The following DLG2 variants were observed in gnomAD, a reference collection of about 807,000 sequenced individuals.
The protein encoded by DLG2 is discs large MAGUK scaffold protein 2, also known as disks large homolog 2.
Under a neutral mutation model 132.5 loss-of-function variants are expected in DLG2, and 45 were observed. The observed-to-expected ratio is 0.34, with a 90% CI of 0.27 to 0.44. The LOEUF (loss-of-function observed/expected upper bound fraction) is 0.44. DLG2 is among the 20% of genes least tolerant of loss of function. The pLI is 1.00. For synonymous variants in DLG2, 424 were observed against 419.6 expected (o/e 1.01, Z -0.13); for missense variants, 1,045 against 1,196.9 (o/e 0.87, Z 1.87).
chr11:84,858,832 T>G (rs1341347733), intron 6 of DLG2, among the ~76,000 whole-genome samples: 4 of 151,978 alleles, frequency 2.6e-5, no homozygotes, highest in African/African-American at 7.2e-5. Context: ...TGACAAGTAC[T>G]CAAACAAAAA....
intron 3 of DLG2, among the ~76,000 whole-genome samples, chr11:85,541,027 T>C (rs1336432809): frequency 6.6e-6 from 1 of 152,248 alleles, no homozygotes; most frequent in East Asian, 1.9e-4. Context: ...TTGGAAGTGT[T>C]TCCTGGGCTG....
chr11:84,776,226 C>T (rs1474785250), intron 6 of DLG2, among the ~76,000 whole-genome samples: 1 of 152,116 alleles, frequency 6.6e-6, no homozygotes, highest in African/African-American at 2.4e-5. Context: ...GTGATCACAG[C>T]TCACTGCAGT....
In DLG2 at chr11:83,516,871, G is replaced by A. The variant is rs543626970; in HGVS notation, c.2193+15837C>T. Reference sequence around the variant, plus strand: ...ATTGGGCCCGTCTCTCTTCTGGCTTGTAGAGTTTCTGCCGAGAGATCCGCT... The same window carrying A: ...ATTGGGCCCGTCTCTCTTCTGGCTTATAGAGTTTCTGCCGAGAGATCCGCT... On this transcript the variant is annotated intron_variant, in intron 21 of 27. Transcript: ENST00000376104. 5.3e-5 allele frequency among the ~76,000 whole-genome samples: 8 copies of A among 152,308 alleles called. No homozygotes were observed. The East Asian group carries it at 9.6e-4, about 18-fold the overall frequency.
At chr11:84,475,549 C>T (rs1208908499) in intron 7 of DLG2, among the ~76,000 whole-genome samples, 2 of 152,026 alleles carry the variant, frequency 1.3e-5, no homozygotes, top group Non-Finnish European at 2.9e-5. Flanking sequence ...GAAGCAGTCT[C>T]CTATAGACAA....
chr11:85,176,970 G>T (rs2152503972), intron 4 of DLG2, among the ~76,000 whole-genome samples: 1 of 152,196 alleles, frequency 6.6e-6, no homozygotes, highest in South Asian at 2.1e-4. Flanking sequence ...ATGCTGGCTT[G>T]GTTGTGGAGA....
At chr11:83,955,659 G>A (rs1388412285) in intron 14 of DLG2, among the ~76,000 whole-genome samples, 1 of 152,178 alleles carries the variant, frequency 6.6e-6, no homozygotes, top group Non-Finnish European at 1.5e-5. Context: ...TCCAGGCTCA[G>A]TCAATAATTA....
intron 6 of DLG2, among the ~76,000 whole-genome samples, chr11:84,629,370 T>C (rs1307258424): frequency 6.6e-6 from 1 of 152,196 alleles, no homozygotes; most frequent in African/African-American, 2.4e-5. Context: ...TCACATGTAA[T>C]TGTAAAAACC....
intron 9 of DLG2, among the ~76,000 whole-genome samples, chr11:84,099,336 T>C (rs1044391401): frequency 2.2e-4 from 33 of 152,198 alleles, no homozygotes; most frequent in African/African-American, 7.7e-4. Context: ...AACTTACAAA[T>C]TGTGTAATAT....
At chr11:84,262,963 C>T (rs1349169618) in intron 7 of DLG2, among the ~76,000 whole-genome samples, 1 of 152,110 alleles carries the variant, frequency 6.6e-6, no homozygotes, top group Non-Finnish European at 1.5e-5. Flanking sequence ...TCCTGCATGG[C>T]TATAAAAAAT....
Position 83,472,896 on chromosome 11 carries a change from C to T in DLG2, c.2294-119G>A, listed in dbSNP as rs1196059465. Reference sequence around the variant, plus strand: ...AGAGTTAATTCTCCTTGCTCTTTCTCCTTGAACCATTCAAAAATAACTTCA... The same window carrying T: ...AGAGTTAATTCTCCTTGCTCTTTCTTCTTGAACCATTCAAAAATAACTTCA... On this transcript the variant is annotated intron_variant, in intron 22 of 27. Transcript: ENST00000376104. The T allele has an allele frequency of 8.7e-6, 7 of 804,330 alleles. No individual in the cohort carries two copies. The Admixed American group carries it at 1.0e-4, about 12-fold the overall frequency. The allele number at this position is 804,330 out of a possible 1,614,324, so 49.8% of individuals were successfully genotyped here.
At chr11:85,322,820 T>C (rs1395555968) in intron 3 of DLG2, among the ~76,000 whole-genome samples, 1 of 152,168 alleles carries the variant, frequency 6.6e-6, no homozygotes, top group East Asian at 1.9e-4. Flanking sequence ...TAAATATCTC[T>C]TGATTTGTCA....
At chr11:84,493,776 C>T (rs1163102554) in intron 7 of DLG2, among the ~76,000 whole-genome samples, 1 of 151,994 alleles carries the variant, frequency 6.6e-6, no homozygotes, top group Non-Finnish European at 1.5e-5. Context: ...ATACAAAGTG[C>T]TTAGAACAAT....
intron 18 of DLG2, among the ~76,000 whole-genome samples, chr11:83,672,844 C>T (rs1161018077): frequency 1.3e-5 from 2 of 152,042 alleles, no homozygotes; most frequent in Admixed American, 6.6e-5. Context: ...GGGTGAATCA[C>T]GAGGTCAGGA....
intron 7 of DLG2, among the ~76,000 whole-genome samples, chr11:84,509,290 C>T (rs935055771): frequency 9.2e-5 from 14 of 152,114 alleles, no homozygotes; most frequent in African/African-American, 3.1e-4. Flanking sequence ...AATAAGATGG[C>T]CTCTACTTTA....
intron 3 of DLG2, among the ~76,000 whole-genome samples, chr11:85,315,573 A>G (rs945411529): frequency 7.2e-5 from 11 of 151,988 alleles, no homozygotes; most frequent in Non-Finnish European, 1.5e-4. Context: ...GATATCGAAC[A>G]TCTTCCAATG....
chr11:83,495,840 G>T (rs931183832), intron 21 of DLG2, among the ~76,000 whole-genome samples: 11 of 152,128 alleles, frequency 7.2e-5, no homozygotes, highest in African/African-American at 2.7e-4. Flanking sequence ...TTAAGGGATA[G>T]ATTACAGATC....
At chr11:84,582,120 C>T (rs897394960) in intron 6 of DLG2, among the ~76,000 whole-genome samples, 3 of 151,500 alleles carry the variant, frequency 2.0e-5, no homozygotes, top group East Asian at 1.9e-4. Flanking sequence ...TTAGGTGAGA[C>T]GAACTATAGC....
chr11:84,436,755 G>A (rs1188336875), intron 7 of DLG2, among the ~76,000 whole-genome samples: 1 of 152,258 alleles, frequency 6.6e-6, no homozygotes, highest in Non-Finnish European at 1.5e-5. Context: ...AGATTCTCTG[G>A]AAATGACTGG....
intron 7 of DLG2, among the ~76,000 whole-genome samples, chr11:84,306,402 G>T (rs2098218977): frequency 6.6e-6 from 1 of 152,098 alleles, no homozygotes; most frequent in African/African-American, 2.4e-5. Context: ...ATTGATGCAG[G>T]AGAGGTGTGT....
Sources: gnomAD v4.1 joint callset for allele counts (sites outside exome capture counted in the v4.1 genomes callset) on GRCh38, gnomAD v4.1.1 for gene constraint, MANE v1.5 for transcripts, NCBI Gene and HGNC (gene_info 2026-07-23, HGNC 2026-07-21) for gene names.